The following SYNJ1 variants were observed in gnomAD, a reference collection of about 807,000 sequenced individuals.
The protein encoded by SYNJ1 is polyphosphatidylinositol phosphatase SYNJ1.
A neutral mutation model predicts 168.2 loss-of-function variants in SYNJ1; 78 were observed. The ratio of observed to expected loss-of-function variants is 0.46; its 90% CI spans 0.39 to 0.56. The LOEUF is 0.56. SYNJ1 is among the 20% of genes least tolerant of loss of function. The pLI is 0.00. For synonymous variants in SYNJ1, 539 were observed against 548.6 expected (o/e 0.98, Z 0.24); for missense variants, 1,303 against 1,597.6 (o/e 0.82, Z 3.14).
intron 22 of SYNJ1, among the ~76,000 whole-genome samples, chr21:32,652,310 G>A (rs924653348): frequency 2.2e-4 from 34 of 151,228 alleles, no homozygotes; most frequent in African/African-American, 8.3e-4. Context: ...AAGTGATTCT[G>A]CTGCCTCAGT....
intron 5 of SYNJ1, among the ~76,000 whole-genome samples, 168 bp from the exon 6 acceptor site, chr21:32,694,479 T>C (rs1388135093): frequency 6.6e-6 from 1 of 152,186 alleles, no homozygotes; most frequent in African/African-American, 2.4e-5. Flanking sequence ...CTTTTTTTTC[T>C]GTTAGCGATA....
chr21:32,721,146 C>A (rs2043205314), intron 2 of SYNJ1, among the ~76,000 whole-genome samples: 1 of 152,198 alleles, frequency 6.6e-6, no homozygotes, highest in African/African-American at 2.4e-5. Context: ...CTGGTAGATG[C>A]AGCAAACTAG....
intron 6 of SYNJ1, among the ~76,000 whole-genome samples, chr21:32,689,393 T>G (rs1487378533): frequency 6.6e-6 from 1 of 152,134 alleles, no homozygotes; most frequent in Non-Finnish European, 1.5e-5. Flanking sequence ...GCCTCCCGGG[T>G]TCAGGCGATT....
chr21:32,682,359 G>A (rs2146054960), intron 10 of SYNJ1, among the ~76,000 whole-genome samples: 1 of 152,194 alleles, frequency 6.6e-6, no homozygotes, highest in South Asian at 2.1e-4. Flanking sequence ...CTGTGTATTT[G>A]GAATCTAGTC....
chr21:32,650,105 A>G (rs2040221073), intron 23 of SYNJ1, 79 bp downstream of exon 23: 7 of 1,484,412 alleles, frequency 4.7e-6, no homozygotes, highest in Non-Finnish European at 6.3e-6. Flanking sequence ...AAGAAAGATG[A>G]ACTTGGAAAA....
chr21:32,635,361 C>T (rs941880129), intron 31 of SYNJ1, among the ~76,000 whole-genome samples: 3 of 152,068 alleles, frequency 2.0e-5, no homozygotes, highest in Admixed American at 6.6e-5. Flanking sequence ...CACCAGAGAG[C>T]GTGTGCAAGG....
At chr21:32,716,054 A>G (rs1366999536) in intron 2 of SYNJ1, among the ~76,000 whole-genome samples, 1 of 152,242 alleles carries the variant, frequency 6.6e-6, no homozygotes, top group Non-Finnish European at 1.5e-5. Flanking sequence ...TATAAACTCT[A>G]TTTAAGCTGG....
rs955406523 is a variant in SYNJ1 at position 32,630,013 on chromosome 21, A to G, written c.*1792T>C. 1 of 152,280 alleles carries G rather than the reference A, an allele frequency of 6.6e-6. No homozygotes were observed. Among genetic ancestry groups the G allele is most frequent in the Non-Finnish European group, 1.5e-5 (1 of 68,050 alleles). The allele number at this position is 152,280 out of a possible 1,614,324, so 9.4% of individuals were successfully genotyped here. ...CAAAGTTCCAGAGCAAAAGCAGCAA[A>G]AAGAAAATATGGGAGGGATATGGGC... On this transcript the variant is annotated 3_prime_UTR_variant, in exon 33 of 33. Transcript: ENST00000674351.
chr21:32,717,041 C>A (rs2043048398), intron 2 of SYNJ1, among the ~76,000 whole-genome samples: 1 of 152,044 alleles, frequency 6.6e-6, no homozygotes, highest in Non-Finnish European at 1.5e-5. Flanking sequence ...CTCACTGCAA[C>A]CTCCAACTCC....
chr21:32,644,287 G>A (rs747217180), intron 26 of SYNJ1, among the ~76,000 whole-genome samples: 5 of 150,276 alleles, frequency 3.3e-5, no homozygotes, highest in Non-Finnish European at 7.4e-5. Context: ...CTTATCACAC[G>A]CAGTCATTAA....
chr21:32,692,990 C>A (rs1054100900), intron 6 of SYNJ1, among the ~76,000 whole-genome samples: 2 of 151,912 alleles, frequency 1.3e-5, no homozygotes, highest in African/African-American at 4.8e-5. Context: ...ATGATTGCAC[C>A]AGTGCACTCA....
intron 15 of SYNJ1, among the ~76,000 whole-genome samples, chr21:32,667,044 T>C (rs1409386823): frequency 6.6e-6 from 1 of 151,554 alleles, no homozygotes; most frequent in African/African-American, 2.4e-5. Context: ...CCTAATACAA[T>C]GTAATTAGTT....
At chr21:32,684,442 T>C (rs1237365819) in intron 9 of SYNJ1, among the ~76,000 whole-genome samples, 2 of 152,202 alleles carry the variant, frequency 1.3e-5, no homozygotes, top group Non-Finnish European at 2.9e-5. Context: ...AAAATATTTA[T>C]AGAACAAAAT....
At chr21:32,705,965 C>T (rs575941235) in intron 2 of SYNJ1, among the ~76,000 whole-genome samples, 2 of 152,000 alleles carry the variant, frequency 1.3e-5, no homozygotes, top group African/African-American at 2.4e-5. Flanking sequence ...CCAGCCTGGC[C>T]GACAGAGTGA....
intron 23 of SYNJ1, among the ~76,000 whole-genome samples, chr21:32,648,614 CT>C (rs2145796810): frequency 6.6e-6 from 1 of 152,312 alleles, no homozygotes; most frequent in South Asian, 2.1e-4. Flanking sequence ...GGGCAGCCTT[CT>C]TCTGTCTATA....
At chr21:32,665,735 T>A (rs1188994534) in intron 17 of SYNJ1, among the ~76,000 whole-genome samples, 1 of 152,192 alleles carries the variant, frequency 6.6e-6, no homozygotes, top group East Asian at 1.9e-4. Context: ...CATGGCCACA[T>A]CCTTAACCTT....
intron 2 of SYNJ1, among the ~76,000 whole-genome samples, chr21:32,702,952 A>G (rs1190670023): frequency 6.6e-6 from 1 of 152,264 alleles, no homozygotes; most frequent in Non-Finnish European, 1.5e-5. Flanking sequence ...CTTTATTGCC[A>G]ACAAAAGGGC....
In SYNJ1 at chr21:32,631,140, G is replaced by C. The variant is rs150753892; in HGVS notation, c.*665C>G. The C allele has an allele frequency of 9.9e-6, 16 of 1,614,096 alleles. 1 individual carries two copies. Among genetic ancestry groups the C allele is most frequent in the Non-Finnish European group, 1.4e-5 (16 of 1,180,038 alleles). ...CGGCAACACACAGAAGGAGACATTT[G>C]TACCTTTATTCCAGTCATCATTCAA... On this transcript the variant is annotated 3_prime_UTR_variant, in exon 33 of 33. Coordinates refer to ENST00000674351, the MANE Select transcript of SYNJ1 (RefSeq NM_203446.3).
chr21:32,723,940 T>C (rs945012249), intron 2 of SYNJ1, among the ~76,000 whole-genome samples: 1 of 152,092 alleles, frequency 6.6e-6, no homozygotes, highest in Non-Finnish European at 1.5e-5. Context: ...CAGAGTCTTA[T>C]GAAGGAAGAA....
Sources: allele counts gnomAD v4.1 joint callset (sites outside exome capture counted in the v4.1 genomes callset), GRCh38; gene constraint gnomAD v4.1.1; transcripts MANE v1.5; gene names NCBI Gene and HGNC (gene_info 2026-07-23, HGNC 2026-07-21).